LRRCC1: variants seen among roughly 807,000 people sequenced by gnomAD.
LRRCC1 encodes the protein leucine rich repeat and coiled-coil centrosomal protein 1, also known as leucine-rich repeat and coiled-coil domain-containing protein 1.
Under a neutral mutation model 126.0 loss-of-function variants are expected in LRRCC1, and 115 were observed. That is an observed-to-expected ratio of 0.91 (90% CI 0.78 to 1.07). The LOEUF (loss-of-function observed/expected upper bound fraction) is 1.07, where lower values mean the gene tolerates loss of function less well. LRRCC1 is among the 50% of genes least tolerant of loss of function. The pLI is 0.00. For missense variants in LRRCC1, 1,172 were observed against 1,175.7 expected (o/e 1.00, Z 0.05); for synonymous variants, 400 against 393.4 (o/e 1.02, Z -0.20).
chr8:85,141,539 T>G (rs768730639), intron 18 of LRRCC1, 22 bp downstream of exon 18: 3 of 1,553,432 alleles, frequency 1.9e-6, no homozygotes, highest in South Asian at 1.2e-5. Flanking sequence ...AAAATTCACT[T>G]CAATAATCAG....
At chr8:85,144,417 T>TATGTGC (rs1811479904) in intron 18 of LRRCC1, among the ~76,000 whole-genome samples, 1 of 17,650 alleles carries the variant, frequency 5.7e-5, no homozygotes. Context: ...TGTGTGTGTG[T>TATGTGC]GTGTGTGTGT....
chr8:85,111,650 A>C (rs974654422), intron 3 of LRRCC1, among the ~76,000 whole-genome samples: 2 of 152,146 alleles, frequency 1.3e-5, no homozygotes, highest in Non-Finnish European at 2.9e-5. Flanking sequence ...ATTTGAACAG[A>C]CACTTCACCA....
rs745650942 is a variant in LRRCC1, at chr8:85,112,925, A to G, written c.377-7A>G. The G allele has an allele frequency of 7.7e-6, 12 of 1,548,702 alleles. No homozygotes were observed. The highest frequency in any genetic ancestry group is 4.1e-5 in the Admixed American group (2 of 49,360). On this transcript the variant is annotated splice_polypyrimidine_tract_variant and splice_region_variant and intron_variant, in intron 3 of 18. Transcript: ENST00000360375. Reference sequence around the variant, plus strand: ...GTGGCATTTAAAGAATTATGTTCCTATTGCAGGATTGATTCCCCTTCATGG... The same window carrying G: ...GTGGCATTTAAAGAATTATGTTCCTGTTGCAGGATTGATTCCCCTTCATGG...
chr8:85,133,303 T>C (rs1810619728), intron 12 of LRRCC1, among the ~76,000 whole-genome samples: 1 of 152,214 alleles, frequency 6.6e-6, no homozygotes, highest in South Asian at 2.1e-4. Context: ...ATTTCTTGGT[T>C]TTCTTGGCTT....
chr8:85,141,637 A>C lies in LRRCC1; in HGVS notation c.2976+120A>C. 6 of 723,468 alleles carry C rather than the reference A, an allele frequency of 8.3e-6. No individual in the cohort carries two copies. The South Asian group carries it at 1.4e-4, about 17-fold the overall frequency. 44.8% of individuals were successfully genotyped at this position (723,468 alleles called of 1,614,324 possible). ...ATGATCTCATGACCAAATAGATATA[A>C]AGAATGTTACCAAAACTATCCTAAA... On this transcript the variant is annotated intron_variant, in intron 18 of 18. Coordinates refer to ENST00000360375, the MANE Select transcript of LRRCC1 (RefSeq NM_033402.5).
At position 85,126,713 on chromosome 8, in the gene LRRCC1, G is replaced by C. The variant is rs1810031090; in HGVS notation, c.1297G>C (p.Glu433Gln). ...YQSLVEQLDQ[E>Q]REKRWRAEQA... ...GTCCCTTGTTGAACAGCTAGACCAA[G>C]AGAGAGAGAAGAGATGGAGAGCTGA... Residue 433 changes from glutamate to glutamine, a missense_variant, in exon 9 of 19, where the codon GAG becomes CAG. Physicochemically the swap from Glu to Gln is conservative, Grantham distance 29. Coordinates refer to ENST00000360375, the MANE Select transcript of LRRCC1 (RefSeq NM_033402.5). 3.1e-6 allele frequency: 5 copies of C among 1,599,994 alleles called. No homozygotes were observed. The highest frequency in any genetic ancestry group is 4.3e-6 in the Non-Finnish European group (5 of 1,172,156).
chr8:85,114,852 A>C (rs1205580999), intron 4 of LRRCC1, among the ~76,000 whole-genome samples: 1 of 152,122 alleles, frequency 6.6e-6, no homozygotes, highest in Non-Finnish European at 1.5e-5. Context: ...TAGTTATTTT[A>C]ACTTTTTGAA....
chr8:85,115,530 G>A lies in LRRCC1; in HGVS notation c.876G>A (p.Gln292=). Residue 292 remains glutamine, a synonymous_variant, in exon 6 of 19, where the codon CAG becomes CAA. Transcript: ENST00000360375. ...AAAATAATCATGAAAACGATTTGCA[G>A]AATGAGATAAAACTTCAGAAATTAG... ...PEKNNHENDL[Q]NEIKLQKLDD... is the part of the protein sequence containing the mutation. 1.2e-6 allele frequency: 2 copies of A among 1,613,432 alleles called. No individual in the cohort carries two copies. The highest frequency in any genetic ancestry group is 8.5e-7 in the Non-Finnish European group (1 of 1,179,702).
At chr8:85,116,905 C>G (rs1809168463) in intron 6 of LRRCC1, among the ~76,000 whole-genome samples, 1 of 151,984 alleles carries the variant, frequency 6.6e-6, no homozygotes, top group Non-Finnish European at 1.5e-5. Flanking sequence ...TCAGTTTGAG[C>G]CAATAAGGAG....
Position 85,112,978 on chromosome 8 carries a change from T to C in LRRCC1, c.423T>C (p.Asp141=), listed in dbSNP as rs1479216853. The C allele has an allele frequency of 6.3e-7, 1 of 1,598,546 alleles. No individual in the cohort carries two copies. Among genetic ancestry groups the C allele is most frequent in the South Asian group, 1.1e-5 (1 of 88,512 alleles). ...TTAAGCATAAACTTAGATATATTGATCTACATAGTAATCGTATAGATAGTA... is the reference window on the plus strand; with the variant it reads ...TTAAGCATAAACTTAGATATATTGACCTACATAGTAATCGTATAGATAGTA... ...HGIKHKLRYI[D]LHSNRIDSIH... Residue 141 remains aspartate, a synonymous_variant, in exon 4 of 19, where the codon GAT becomes GAC. Coordinates refer to ENST00000360375, the MANE Select transcript of LRRCC1 (RefSeq NM_033402.5).
intron 14 of LRRCC1, 37 bp from the exon 15 acceptor site, chr8:85,137,427 G>A: frequency 6.9e-7 from 1 of 1,444,180 alleles, no homozygotes; most frequent in Non-Finnish European, 9.3e-7. Flanking sequence ...CCCCCAAGGT[G>A]TTTCAAAGTA....
At position 85,123,582 on chromosome 8, in the gene LRRCC1, A is replaced by C. The variant is rs752178917; in HGVS notation, c.1100A>C (p.Asn367Thr). The part of the protein sequence containing the change: ...AKTIQTIKHH[N>T]KNYNSFVSCN... ...ACCATTCAAACTATTAAGCACCACAATAAAAACTACAACTCTTTTGTAAGG... is the reference window on the plus strand; with the variant it reads ...ACCATTCAAACTATTAAGCACCACACTAAAAACTACAACTCTTTTGTAAGG... Residue 367 changes from asparagine (N) to threonine (T), a missense_variant, in exon 7 of 19, where the codon AAT becomes ACT. Asn to Thr is a moderately conservative substitution (Grantham distance 65). Coordinates refer to ENST00000360375, the MANE Select transcript of LRRCC1 (RefSeq NM_033402.5). 14 of 1,581,114 alleles carry C rather than the reference A, an allele frequency of 8.9e-6. No homozygotes were observed. The highest frequency in any genetic ancestry group is 1.2e-5 in the Non-Finnish European group (14 of 1,170,826).
Position 85,115,585 on chromosome 8 carries a change from G to C in LRRCC1, c.930+1G>C, listed in dbSNP as rs1809056346. 6.4e-7 allele frequency: 1 copy of C among 1,568,150 alleles called. No homozygotes were observed. Among genetic ancestry groups the C allele is most frequent in the Non-Finnish European group, 8.7e-7 (1 of 1,142,862 alleles). ...CCAAATTCTACAACTTCTAAATGAA[G>C]TAACTATTTTTCCTACTTCTCTATA... On this transcript the variant is annotated splice_donor_variant, in intron 6 of 18. Coordinates refer to ENST00000360375, the MANE Select transcript of LRRCC1 (RefSeq NM_033402.5). LOFTEE classifies it high-confidence loss of function.
intron 17 of LRRCC1, among the ~76,000 whole-genome samples, chr8:85,141,007 C>T (rs1205073092): frequency 6.6e-6 from 1 of 151,984 alleles, no homozygotes; most frequent in Non-Finnish European, 1.5e-5. Flanking sequence ...CAGAGGTTGC[C>T]TTGAGCCATG....
chr8:85,144,760 G>A (rs1157133381), intron 18 of LRRCC1, among the ~76,000 whole-genome samples: 4 of 135,404 alleles, frequency 3.0e-5, no homozygotes, highest in Admixed American at 7.2e-5. Flanking sequence ...CACCACACCC[G>A]GCCAAGTTAA....
intron 18 of LRRCC1, among the ~76,000 whole-genome samples, chr8:85,143,658 G>C (rs934639135): frequency 1.3e-5 from 2 of 152,118 alleles, no homozygotes; most frequent in Non-Finnish European, 2.9e-5. Flanking sequence ...AACCTACCAA[G>C]TGTTTAACAA....
chr8:85,112,796 T>G, intron 3 of LRRCC1, 136 bp from the exon 4 acceptor site: 1 of 462,948 alleles, frequency 2.2e-6, no homozygotes, highest in Non-Finnish European at 3.8e-6. Context: ...AGCCTATTCA[T>G]TAGATATAGC....
chr8:85,123,944 C>T (rs1345908753), intron 7 of LRRCC1, among the ~76,000 whole-genome samples: 1 of 152,094 alleles, frequency 6.6e-6, no homozygotes, highest in African/African-American at 2.4e-5. Flanking sequence ...GAACTAATAA[C>T]ATTAGTTCAA....
chr8:85,126,388 C>G (rs1166748898), intron 8 of LRRCC1, among the ~76,000 whole-genome samples: 1 of 151,918 alleles, frequency 6.6e-6, no homozygotes, highest in African/African-American at 2.4e-5. Context: ...GAAACCCCAT[C>G]TCTACTAAAA....
Sources: gnomAD v4.1 joint callset for allele counts (sites outside exome capture counted in the v4.1 genomes callset) on GRCh38, gnomAD v4.1.1 for gene constraint, MANE v1.5 for transcripts, NCBI Gene and HGNC (gene_info 2026-07-23, HGNC 2026-07-21) for gene names.